STK32B: variants seen among roughly 807,000 people sequenced by gnomAD.
The protein encoded by STK32B is serine/threonine kinase 32B, also known as serine/threonine-protein kinase 32B.
A neutral mutation model predicts 52.6 loss-of-function variants in STK32B; 43 were observed. The ratio of observed to expected loss-of-function variants is 0.82; its 90% CI spans 0.64 to 1.05. The LOEUF is 1.05. Among genes scored for constraint, STK32B ranks in the 50% least tolerant of loss-of-function variants. The pLI is 0.00. For missense variants in STK32B, 621 were observed against 534.6 expected (o/e 1.16, Z -1.59); for synonymous variants, 238 against 204.3 (o/e 1.17, Z -1.41).
chr4:5,048,768 C>G (rs1043850332), upstream of STK32B, among the ~76,000 whole-genome samples: 1 of 152,224 alleles, frequency 6.6e-6, no homozygotes, highest in Non-Finnish European at 1.5e-5. Flanking sequence ...ACTTCTCAAC[C>G]ATTTGAGTTG....
intron 3 of STK32B, among the ~76,000 whole-genome samples, chr4:5,202,635 C>G (rs538881548): frequency 6.6e-6 from 1 of 152,362 alleles, no homozygotes; most frequent in Non-Finnish European, 1.5e-5. Context: ...TCCATACATC[C>G]TCTGAAATCT....
chr4:5,449,628 G>T (rs1715796364), intron 7 of STK32B, among the ~76,000 whole-genome samples: 1 of 152,114 alleles, frequency 6.6e-6, no homozygotes, highest in South Asian at 2.1e-4. Context: ...AGCAGAGCAG[G>T]GGGTGAAGGT....
At position 5,470,324 on chromosome 4, in the gene STK32B, A is replaced by G. The variant is rs1233148927; in HGVS notation, c.1106+2254A>G. ...CCTATGGACACCATTGAGATTTGGC[A>G]TCGGGGATTGGAAGTGAGGCTGGCA... On this transcript the variant is annotated intron_variant, in intron 11 of 11. Coordinates refer to ENST00000282908, the MANE Select transcript of STK32B (RefSeq NM_018401.3). The surrounding 1 kb of genome is among the most constrained non-coding windows in gnomAD (Gnocchi z 4.6). Among the ~76,000 whole-genome samples, 1 of 152,204 alleles carries G rather than the reference A, an allele frequency of 6.6e-6. No individual in the cohort carries two copies. Among genetic ancestry groups the G allele is most frequent in the Non-Finnish European group, 1.5e-5 (1 of 68,044 alleles).
intron 3 of STK32B, among the ~76,000 whole-genome samples, chr4:5,286,954 C>A (rs961790195): frequency 6.6e-6 from 1 of 151,920 alleles, no homozygotes; most frequent in Non-Finnish European, 1.5e-5. Flanking sequence ...TCAGCCACCA[C>A]GCCAGGCTAA....
At position 5,356,449 on chromosome 4, in the gene STK32B, C is replaced by T. The variant is rs117219636; in HGVS notation, c.434+25056C>T. 1.5e-3 allele frequency among the ~76,000 whole-genome samples: 226 copies of T among 152,298 alleles called. 4 individuals carry two copies. The East Asian group carries it at 0.035, about 24-fold the overall frequency. ...GGACTGGGACATAGATTTGGGAAGA[C>T]ACCATTCAGCCCACTACAATCATGT... On this transcript the variant is annotated intron_variant, in intron 4 of 11. Coordinates refer to ENST00000282908, the MANE Select transcript of STK32B (RefSeq NM_018401.3).
Position 5,307,848 on chromosome 4 carries a change from C to T in STK32B, c.261-23372C>T, listed in dbSNP as rs118164852. ...TTTGATGTGGTGCTTTCCCCTTTCCCCTAGGGATGGGGCTTCCTGAGAGCC... is the reference window on the plus strand; with the variant it reads ...TTTGATGTGGTGCTTTCCCCTTTCCTCTAGGGATGGGGCTTCCTGAGAGCC... On this transcript the variant is annotated intron_variant, in intron 3 of 11. Coordinates refer to ENST00000282908, the MANE Select transcript of STK32B (RefSeq NM_018401.3). Among the ~76,000 whole-genome samples the T allele has an allele frequency of 3.7e-3, 556 of 152,144 alleles. 13 individuals are homozygous for T. In the East Asian group the frequency reaches 0.069, roughly 19 times the overall value.
intron 2 of STK32B, among the ~76,000 whole-genome samples, chr4:5,154,747 G>A (rs1355026449): frequency 2.6e-5 from 4 of 152,158 alleles, no homozygotes. Context: ...GATTCCCAAG[G>A]GGCTGGGACC....
At chr4:5,078,991 G>A (rs1325154944) in intron 1 of STK32B, among the ~76,000 whole-genome samples, 1 of 152,158 alleles carries the variant, frequency 6.6e-6, no homozygotes, top group Non-Finnish European at 1.5e-5. Flanking sequence ...AAGTAAAAAT[G>A]TTGAAAACGC....
At chr4:5,390,419 G>A (rs1215202138) in intron 4 of STK32B, among the ~76,000 whole-genome samples, 1 of 152,218 alleles carries the variant, frequency 6.6e-6, no homozygotes, top group Non-Finnish European at 1.5e-5. Context: ...CCAGAGGGTT[G>A]AGGACCCTGG....
chr4:5,462,925 C>T (rs1717148300), intron 9 of STK32B, among the ~76,000 whole-genome samples: 1 of 152,180 alleles, frequency 6.6e-6, no homozygotes, highest in Non-Finnish European at 1.5e-5. Flanking sequence ...AGAAAATAAA[C>T]CACAGGGCAG....
chr4:5,052,228 C>A (rs759966910), intron 1 of STK32B, among the ~76,000 whole-genome samples: 1 of 152,068 alleles, frequency 6.6e-6, no homozygotes, highest in African/African-American at 2.4e-5. Flanking sequence ...GGAGGCCAGT[C>A]GGGATGGTTC....
At chr4:5,033,860 G>C in the STK32B span, among the ~76,000 whole-genome samples, 1 of 152,108 alleles carries the variant, frequency 6.6e-6, no homozygotes, top group Non-Finnish European at 1.5e-5. Context: ...AACATTCTTT[G>C]TGGTAGGGGA....
intron 7 of STK32B, among the ~76,000 whole-genome samples, chr4:5,448,573 C>T (rs1202249824): frequency 1.3e-5 from 2 of 152,196 alleles, no homozygotes; most frequent in African/African-American, 4.8e-5. Flanking sequence ...GATAGCTTGG[C>T]AAAAAGCCTC....
At chr4:5,433,255 G>C (rs761024969) in intron 6 of STK32B, among the ~76,000 whole-genome samples, 1 of 152,194 alleles carries the variant, frequency 6.6e-6, no homozygotes, top group Admixed American at 6.5e-5. Flanking sequence ...AAGGCGGAAA[G>C]AGTCCTAGAG....
rs371304462 is a variant in STK32B, at chr4:5,388,316, A to T, written c.435-9891A>T. 3.7e-4 allele frequency among the ~76,000 whole-genome samples: 57 copies of T among 152,188 alleles called. No homozygotes were observed. In the East Asian group the frequency reaches 6.4e-3, roughly 17 times the overall value. On this transcript the variant is annotated intron_variant, in intron 4 of 11. Coordinates refer to ENST00000282908, the MANE Select transcript of STK32B (RefSeq NM_018401.3). Reference sequence around the variant, plus strand: ...TGCTAAGTAGGGATGGGTGCAGGGGATGGGAGAACTAATCATCACTTATTG... The same window carrying T: ...TGCTAAGTAGGGATGGGTGCAGGGGTTGGGAGAACTAATCATCACTTATTG...
intron 3 of STK32B, among the ~76,000 whole-genome samples, chr4:5,287,078 G>A (rs994540726): frequency 2.6e-5 from 4 of 152,124 alleles, no homozygotes; most frequent in African/African-American, 9.7e-5. Flanking sequence ...TTACAGGCAT[G>A]AGCCACCGCG....
At chr4:5,099,916 T>C (rs1263553344) in intron 1 of STK32B, among the ~76,000 whole-genome samples, 1 of 152,128 alleles carries the variant, frequency 6.6e-6, no homozygotes, top group Admixed American at 6.5e-5. Flanking sequence ...AGTGACCAGA[T>C]GCTTGGTTTT....
intron 3 of STK32B, among the ~76,000 whole-genome samples, chr4:5,169,011 G>T (rs1719117605): frequency 6.6e-6 from 1 of 152,166 alleles, no homozygotes; most frequent in South Asian, 2.1e-4. Context: ...CCCTGCCTCT[G>T]TGCTTTTGCG....
intron 3 of STK32B, among the ~76,000 whole-genome samples, chr4:5,202,364 C>T (rs1722218746): frequency 6.6e-6 from 1 of 152,212 alleles, no homozygotes. Flanking sequence ...CCCATGTGAC[C>T]CCACCCAAAT....
Sources: gnomAD v4.1 joint callset for allele counts (sites outside exome capture counted in the v4.1 genomes callset) on GRCh38, gnomAD v4.1.1 for gene constraint, Gnocchi (gnomAD v3.1) non-coding constraint, MANE v1.5 for transcripts, NCBI Gene and HGNC (gene_info 2026-07-23, HGNC 2026-07-21) for gene names.